Variants in PCDH9 observed in about 807,000 individuals in gnomAD.
PCDH9 encodes protocadherin-9.
In PCDH9, 24 loss-of-function variants were observed where a neutral mutation model predicts 70.6. That is an observed-to-expected ratio of 0.34 (90% CI 0.25 to 0.48). PCDH9 has a LOEUF of 0.48. PCDH9 is among the 20% of genes least tolerant of loss of function. PCDH9 has a pLI of 0.99. For synonymous variants in PCDH9, 562 were observed against 558.5 expected (o/e 1.01, Z -0.09); for missense variants, 1,281 against 1,503.6 (o/e 0.85, Z 2.45).
chr13:66,672,147 G>C (rs1031394982), intron 3 of PCDH9, among the ~76,000 whole-genome samples: 1 of 152,222 alleles, frequency 6.6e-6, no homozygotes, highest in African/African-American at 2.4e-5. Flanking sequence ...TACAGCTCAG[G>C]CTGTTGCTTC....
chr13:67,011,442 G>A (rs2084450080), intron 2 of PCDH9, among the ~76,000 whole-genome samples: 1 of 151,778 alleles, frequency 6.6e-6, no homozygotes. Context: ...TTGGGAGATG[G>A]GAAATTTGCC....
At chr13:66,994,264 A>G (rs1167969940) in intron 2 of PCDH9, among the ~76,000 whole-genome samples, 2 of 152,172 alleles carry the variant, frequency 1.3e-5, no homozygotes, top group East Asian at 1.9e-4. Context: ...AGAAACTGGC[A>G]CTGCAACCAG....
chr13:67,171,837 G>A (rs1376767567), intron 2 of PCDH9, among the ~76,000 whole-genome samples: 1 of 152,132 alleles, frequency 6.6e-6, no homozygotes, highest in Non-Finnish European at 1.5e-5. Context: ...CCTATGCAAA[G>A]TTCCTAACAG....
intron 3 of PCDH9, among the ~76,000 whole-genome samples, chr13:66,798,367 ATCT>A (rs764528826): frequency 6.6e-6 from 1 of 152,138 alleles, no homozygotes; most frequent in Non-Finnish European, 1.5e-5. Flanking sequence ...CCCTAATCCC[ATCT>A]TCTCTTCCTT....
chr13:66,998,089 A>G (rs1323929), intron 2 of PCDH9, among the ~76,000 whole-genome samples: 95,356 of 151,948 alleles, frequency 0.63, 31,072 homozygotes, highest in East Asian at 0.89. Flanking sequence ...AAAATTTTAT[A>G]TGAAGAATTA....
intron 2 of PCDH9, among the ~76,000 whole-genome samples, chr13:66,905,106 AT>A (rs912189261): frequency 3.3e-5 from 5 of 152,154 alleles, no homozygotes; most frequent in African/African-American, 9.6e-5. Context: ...AATGTTAATT[AT>A]TTGAATGTTC....
At chr13:66,369,635 A>G (rs1344966974) in intron 4 of PCDH9, among the ~76,000 whole-genome samples, 1 of 152,132 alleles carries the variant, frequency 6.6e-6, no homozygotes, top group Non-Finnish European at 1.5e-5. Context: ...AATAATCTAA[A>G]ATGGGGCAAA....
intron 2 of PCDH9, among the ~76,000 whole-genome samples, chr13:67,137,232 T>G (rs751130319): frequency 1.3e-5 from 2 of 152,148 alleles, no homozygotes; most frequent in Non-Finnish European, 2.9e-5. Flanking sequence ...AAATATTTTG[T>G]CATTCCTGTG....
chr13:66,723,572 G>T (rs1331173730), intron 3 of PCDH9, among the ~76,000 whole-genome samples: 1 of 152,148 alleles, frequency 6.6e-6, no homozygotes, highest in Non-Finnish European at 1.5e-5. Flanking sequence ...GTGGTTTAAG[G>T]CAAGGATTTC....
chr13:66,571,210 C>G (rs1422315566), intron 4 of PCDH9, among the ~76,000 whole-genome samples: 1 of 152,002 alleles, frequency 6.6e-6, no homozygotes, highest in Non-Finnish European at 1.5e-5. Flanking sequence ...ACAAATAGCA[C>G]ACTCACATAT....
intron 4 of PCDH9, among the ~76,000 whole-genome samples, chr13:66,317,345 G>A (rs1227111229): frequency 6.6e-6 from 1 of 152,168 alleles, no homozygotes; most frequent in African/African-American, 2.4e-5. Context: ...ACCTGTACAT[G>A]AGAAACTTTG....
At chr13:66,367,581 T>C (rs529565746) in intron 4 of PCDH9, among the ~76,000 whole-genome samples, 1 of 152,072 alleles carries the variant, frequency 6.6e-6, no homozygotes, top group South Asian at 2.1e-4. Context: ...GGTTCAAAGG[T>C]GGCCAGTGGG....
intron 4 of PCDH9, among the ~76,000 whole-genome samples, chr13:66,401,429 C>A (rs1593917900): frequency 6.6e-6 from 1 of 151,986 alleles, no homozygotes; most frequent in Admixed American, 6.6e-5. Context: ...TCCCCTTCCA[C>A]CATGATTGTA....
At chr13:66,907,655 A>G (rs933140181) in intron 2 of PCDH9, among the ~76,000 whole-genome samples, 2 of 152,198 alleles carry the variant, frequency 1.3e-5, no homozygotes, top group Admixed American at 6.5e-5. Context: ...TAAGAGAAAA[A>G]TAATCAACAG....
intron 3 of PCDH9, among the ~76,000 whole-genome samples, chr13:66,671,798 T>C (rs766611557): frequency 1.6e-4 from 25 of 152,222 alleles, no homozygotes; most frequent in Non-Finnish European, 2.9e-4. Flanking sequence ...TATGGAACTT[T>C]GGATTTGAAC....
chr13:66,809,793 G>T (rs1466156995), intron 3 of PCDH9, among the ~76,000 whole-genome samples: 1 of 151,994 alleles, frequency 6.6e-6, no homozygotes, highest in Non-Finnish European at 1.5e-5. Context: ...AAAAAAAGAG[G>T]GTGCTTAATG....
intron 4 of PCDH9, among the ~76,000 whole-genome samples, chr13:66,439,537 T>C (rs1957936289): frequency 6.6e-6 from 1 of 152,200 alleles, no homozygotes; most frequent in East Asian, 1.9e-4. Flanking sequence ...TATATCAATA[T>C]GTCATGTACA....
At chr13:66,835,671 T>TA (rs1476834538) in intron 3 of PCDH9, among the ~76,000 whole-genome samples, 1 of 152,218 alleles carries the variant, frequency 6.6e-6, no homozygotes, top group Non-Finnish European at 1.5e-5. Flanking sequence ...AATTTTTTTT[T>TA]ATGCTAGAAT....
At chr13:66,680,135 C>T (rs1297846704) in intron 3 of PCDH9, among the ~76,000 whole-genome samples, 9 of 151,900 alleles carry the variant, frequency 5.9e-5, no homozygotes, top group Admixed American at 5.9e-4. Context: ...TGGAAGTTGT[C>T]ACATGCATGC....
Sources: gnomAD v4.1 joint callset for allele counts (sites outside exome capture counted in the v4.1 genomes callset) on GRCh38, gnomAD v4.1.1 for gene constraint, MANE v1.5 for transcripts, NCBI Gene and HGNC (gene_info 2026-07-23, HGNC 2026-07-21) for gene names.